RBM27: variants seen among roughly 807,000 people sequenced by gnomAD.
RBM27 encodes RNA binding motif protein 27, also known as RNA-binding protein 27.
RBM27 carries 22 observed loss-of-function variants against 135.3 expected under a neutral mutation model. The observed-to-expected ratio is 0.16, with a 90% CI of 0.12 to 0.23. The LOEUF (loss-of-function observed/expected upper bound fraction) is 0.23. Among genes scored for constraint, RBM27 ranks in the 10% least tolerant of loss-of-function variants. The pLI is 1.00. For missense variants in RBM27, 1,009 were observed against 1,281.0 expected (o/e 0.79, Z 3.24); for synonymous variants, 481 against 442.4 (o/e 1.09, Z -1.10).
intron 2 of RBM27, among the ~76,000 whole-genome samples, chr5:146,222,592 G>A (rs1756504214): frequency 6.6e-6 from 1 of 152,216 alleles, no homozygotes; most frequent in Admixed American, 6.5e-5. Flanking sequence ...GCCGAGGCAG[G>A]AGAATCACTT....
intron 19 of RBM27, among the ~76,000 whole-genome samples, chr5:146,272,524 C>T (rs746493466): frequency 9.2e-5 from 14 of 152,064 alleles, no homozygotes; most frequent in Non-Finnish European, 1.9e-4. Flanking sequence ...GAGTTTGAGA[C>T]CAGCCTGGCC....
rs1755714472 is a variant in RBM27, at chr5:146,207,105, A to G, written c.59+3281A>G. Among the ~76,000 whole-genome samples, 4 of 152,314 alleles carry G rather than the reference A, an allele frequency of 2.6e-5. No homozygotes were observed. The South Asian group carries it at 8.3e-4, about 32-fold the overall frequency. On this transcript the variant is annotated intron_variant, in intron 1 of 20. Transcript: ENST00000265271. ...ATATTCCAGATTCAAGAAAATTTTC[A>G]TGGCAGATTGGCATGTTGCTACAAC...
chr5:146,284,676 A>G lies in RBM27; in HGVS notation c.3043A>G (p.Lys1015Glu), dbSNP rs764416468. The G allele has an allele frequency of 1.2e-6, 2 of 1,613,670 alleles. No individual in the cohort carries two copies. The highest frequency in any genetic ancestry group is 8.5e-7 in the Non-Finnish European group (1 of 1,179,678). ...KDRRLQISWH[K>E]PKVPSISTET... ...CCGTCGGCTACAGATATCATGGCAC[A>G]AGCCCAAGGTACCATCTATATCCAC... Residue 1015 changes from lysine to glutamate, a missense_variant, in exon 20 of 21, where the codon AAG becomes GAG. Transcript: ENST00000265271.
rs766533909 is a variant in RBM27, at chr5:146,237,441, A to G, written c.1279+9A>G. 11 of 1,613,538 alleles carry G rather than the reference A, an allele frequency of 6.8e-6. No homozygotes were observed. In the East Asian group the frequency reaches 8.9e-5, roughly 13 times the overall value. On this transcript the variant is annotated intron_variant, in intron 8 of 20. Transcript: ENST00000265271. ...TTACACAGTATCAGAACGTAAGTACATGTTGTTTGACTTAAAATTGACAGG... is the reference window on the plus strand; with the variant it reads ...TTACACAGTATCAGAACGTAAGTACGTGTTGTTTGACTTAAAATTGACAGG...
In RBM27 at chr5:146,289,134, A is replaced by G. The variant is rs151042747; in HGVS notation, c.*3104A>G. ...CAATATGGAATGGTTCACAATTGGA[A>G]AAAAAAAAGAAAAAAGATGAAAGTA... is the stretch of plus-strand genomic sequence containing the variant. On this transcript the variant is annotated 3_prime_UTR_variant, in exon 21 of 21. Coordinates refer to ENST00000265271, the MANE Select transcript of RBM27 (RefSeq NM_018989.2). 8.8e-4 allele frequency: 132 copies of G among 149,734 alleles called. No individual in the cohort carries two copies. The highest frequency in any genetic ancestry group is 3.1e-3 in the African/African-American group (129 of 41,194). 9.3% of individuals were successfully genotyped at this position (149,734 alleles called of 1,614,324 possible).
At chr5:146,265,076 T>C (rs1348793855) in intron 14 of RBM27, among the ~76,000 whole-genome samples, 2 of 152,168 alleles carry the variant, frequency 1.3e-5, no homozygotes, top group Non-Finnish European at 2.9e-5. Context: ...ATTACTAAAC[T>C]AGTTATCTTC....
chr5:146,207,485 T>C (rs1208257742), intron 1 of RBM27, among the ~76,000 whole-genome samples: 2 of 152,000 alleles, frequency 1.3e-5, no homozygotes, highest in African/African-American at 4.8e-5. Context: ...AGTGCTGGGA[T>C]TACAGGCATG....
chr5:146,279,807 C>CAAAAAAA (rs766177641), intron 19 of RBM27, among the ~76,000 whole-genome samples: 1 of 55,244 alleles, frequency 1.8e-5, no homozygotes, highest in African/African-American at 6.9e-5. Flanking sequence ...GACTCTGTCT[C>CAAAAAAA]AAAAAAAAAA....
At chr5:146,242,275 T>TC (rs747638861) in intron 8 of RBM27, among the ~76,000 whole-genome samples, 5 of 151,930 alleles carry the variant, frequency 3.3e-5, no homozygotes, top group Admixed American at 1.3e-4. Flanking sequence ...GCACTACATA[T>TC]CCCCCCCGTT....
intron 7 of RBM27, among the ~76,000 whole-genome samples, chr5:146,235,929 A>G (rs1285941405): frequency 1.3e-5 from 2 of 152,064 alleles, no homozygotes; most frequent in African/African-American, 2.4e-5. Context: ...GGGCTCAAGC[A>G]GTTTGCTTGC....
chr5:146,279,182 G>A (rs943884866), intron 19 of RBM27, among the ~76,000 whole-genome samples: 1 of 151,844 alleles, frequency 6.6e-6, no homozygotes, highest in Admixed American at 6.6e-5. Flanking sequence ...GGGTGCGGTG[G>A]CTCACACCTG....
intron 8 of RBM27, among the ~76,000 whole-genome samples, chr5:146,250,212 G>A (rs1324255138): frequency 2.0e-5 from 3 of 152,012 alleles, no homozygotes; most frequent in African/African-American, 4.8e-5. Context: ...AGGCCGAGAC[G>A]GGCAGATCAC....
Position 146,223,366 on chromosome 5 carries a change from G to T in RBM27, c.179-37G>T, listed in dbSNP as rs755291753. On this transcript the variant is annotated intron_variant, in intron 2 of 20. Transcript: ENST00000265271. The stretch of plus-strand genomic sequence containing the variant: ...ATGTGTTGTCAAATTTTTGTTTTTT[G>T]TTTGCGCAATATGTAAATGTTATTT... 1 of 1,550,616 alleles carries T rather than the reference G, an allele frequency of 6.4e-7. No individual in the cohort carries two copies. Among genetic ancestry groups the T allele is most frequent in the Admixed American group, 2.2e-5 (1 of 45,622 alleles).
At chr5:146,251,996 A>G (rs1385601895) in intron 9 of RBM27, 121 bp downstream of exon 9, 4 of 1,136,908 alleles carry the variant, frequency 3.5e-6, no homozygotes, top group African/African-American at 1.6e-5. Flanking sequence ...GCTCATAGGT[A>G]GTTTTATTTT....
intron 9 of RBM27, among the ~76,000 whole-genome samples, chr5:146,252,628 A>T (rs1219866717): frequency 2.6e-5 from 4 of 152,352 alleles, no homozygotes; most frequent in East Asian, 3.9e-4. Context: ...TTAAAAAGAT[A>T]AAGCAGTATG....
intron 1 of RBM27, among the ~76,000 whole-genome samples, chr5:146,212,819 T>G (rs1003367395): frequency 6.6e-6 from 1 of 151,684 alleles, no homozygotes; most frequent in Non-Finnish European, 1.5e-5. Flanking sequence ...ATTCAAGCGA[T>G]TCTCCTGCCT....
intron 1 of RBM27, among the ~76,000 whole-genome samples, chr5:146,216,203 C>T (rs563941696): frequency 6.6e-6 from 1 of 152,240 alleles, no homozygotes; most frequent in African/African-American, 2.4e-5. Flanking sequence ...ACCACAGGTG[C>T]ATGCCACCAC....
intron 8 of RBM27, among the ~76,000 whole-genome samples, chr5:146,239,589 T>C (rs1040871390): frequency 6.6e-6 from 1 of 150,732 alleles, no homozygotes; most frequent in Non-Finnish European, 1.5e-5. Flanking sequence ...GCAATTCTTG[T>C]GCCTCAGCCT....
chr5:146,207,131 A>G (rs985566177), intron 1 of RBM27, among the ~76,000 whole-genome samples: 1 of 152,236 alleles, frequency 6.6e-6, no homozygotes, highest in Middle Eastern at 3.2e-3. Context: ...TTGCTACAAC[A>G]TAGCATTTCA....
Sources: allele counts gnomAD v4.1 joint callset (sites outside exome capture counted in the v4.1 genomes callset), GRCh38; gene constraint gnomAD v4.1.1; transcripts MANE v1.5; gene names NCBI Gene and HGNC (gene_info 2026-07-23, HGNC 2026-07-21).